Variants in MAGI2 observed in about 807,000 individuals in gnomAD.
MAGI2 encodes membrane-associated guanylate kinase, WW and PDZ domain-containing protein 2.
MAGI2 carries 35 observed loss-of-function variants against 133.3 expected under a neutral mutation model. That is an observed-to-expected ratio of 0.26 (90% CI 0.20 to 0.35). The LOEUF (loss-of-function observed/expected upper bound fraction) is 0.35, where lower values mean the gene tolerates loss of function less well. Among genes scored for constraint, MAGI2 ranks in the 10% least tolerant of loss-of-function variants. MAGI2 has a pLI of 1.00. For missense variants in MAGI2, 1,636 were observed against 1,863.4 expected (o/e 0.88, Z 2.25); for synonymous variants, 729 against 710.6 (o/e 1.03, Z -0.41).
intron 2 of MAGI2, among the ~76,000 whole-genome samples, chr7:78,812,062 A>G (rs962479703): frequency 1.3e-5 from 2 of 152,056 alleles, no homozygotes; most frequent in Non-Finnish European, 2.9e-5. Context: ...AATAGTGGGG[A>G]CACCATAAGC....
chr7:78,856,405 A>G (rs1793635339), intron 2 of MAGI2, among the ~76,000 whole-genome samples: 1 of 152,160 alleles, frequency 6.6e-6, no homozygotes, highest in African/African-American at 2.4e-5. Flanking sequence ...TAAGTCTTTA[A>G]TCCATCTTGA....
At chr7:78,039,219 T>G (rs961067053) in intron 21 of MAGI2, among the ~76,000 whole-genome samples, 2 of 152,230 alleles carry the variant, frequency 1.3e-5, no homozygotes, top group African/African-American at 4.8e-5. Flanking sequence ...CAGGCTCTTC[T>G]TTGAAAAACT....
chr7:78,177,641 T>TG (rs1249208876), intron 14 of MAGI2, among the ~76,000 whole-genome samples: 1 of 152,122 alleles, frequency 6.6e-6, no homozygotes, highest in Admixed American at 6.5e-5. Context: ...TTTGCTGTTT[T>TG]GGTTAAAAAC....
intron 6 of MAGI2, among the ~76,000 whole-genome samples, chr7:78,487,776 A>G (rs763858902): frequency 6.6e-6 from 1 of 152,078 alleles, no homozygotes; most frequent in Non-Finnish European, 1.5e-5. Flanking sequence ...GAGCCTCTAC[A>G]TTTTTAAATA....
At chr7:78,600,339 G>C (rs1805063808) in intron 3 of MAGI2, among the ~76,000 whole-genome samples, 1 of 151,878 alleles carries the variant, frequency 6.6e-6, no homozygotes, top group Non-Finnish European at 1.5e-5. Flanking sequence ...GAGTTAACTA[G>C]ACTTACCAAA....
intron 2 of MAGI2, among the ~76,000 whole-genome samples, chr7:78,997,740 C>CCT (rs1806456587): frequency 6.6e-6 from 1 of 152,018 alleles, no homozygotes. Flanking sequence ...CATCTGTGCT[C>CCT]TAAAGTCCTT....
intron 3 of MAGI2, among the ~76,000 whole-genome samples, chr7:78,527,305 T>C (rs1213671623): frequency 1.3e-5 from 2 of 152,162 alleles, no homozygotes; most frequent in African/African-American, 4.8e-5. Context: ...ACTTTTCATG[T>C]ACTGTACTTG....
chr7:78,811,897 G>C (rs1442598744), intron 2 of MAGI2, among the ~76,000 whole-genome samples: 1 of 152,216 alleles, frequency 6.6e-6, no homozygotes, highest in Non-Finnish European at 1.5e-5. Flanking sequence ...TAAAGATGCT[G>C]GGATGAGGGA....
intron 1 of MAGI2, among the ~76,000 whole-genome samples, chr7:79,255,272 T>C (rs961739658): frequency 6.1e-4 from 93 of 152,176 alleles, no homozygotes; most frequent in African/African-American, 2.1e-3. Context: ...TGTTCTAATG[T>C]TAAAAACATT....
chr7:79,405,172 T>C (rs919220843), intron 1 of MAGI2, among the ~76,000 whole-genome samples: 6 of 152,176 alleles, frequency 3.9e-5, no homozygotes, highest in African/African-American at 1.4e-4. Context: ...ACATATCAGA[T>C]ATAATTTTGC....
intron 1 of MAGI2, among the ~76,000 whole-genome samples, chr7:79,304,181 ATGTGTGTGTGTGTGTGTGTGTC>A (rs1837589129): frequency 7.0e-6 from 1 of 142,160 alleles, no homozygotes; most frequent in East Asian, 2.1e-4. Flanking sequence ...TTCAACTGGG[ATGTGTGTGTGTGTGTGTGTGTC>A]TGTGTGTGTG....
At chr7:78,783,012 CTT>C (rs11432048) in intron 2 of MAGI2, among the ~76,000 whole-genome samples, 20 of 96,188 alleles carry the variant, frequency 2.1e-4, no homozygotes, top group African/African-American at 5.6e-4. Context: ...TGATTCTTAC[CTT>C]TTTTTTTTTT....
intron 1 of MAGI2, among the ~76,000 whole-genome samples, chr7:79,326,371 A>T (rs778760403): frequency 6.6e-6 from 1 of 152,184 alleles, no homozygotes; most frequent in Non-Finnish European, 1.5e-5. Context: ...TAGGATTGTT[A>T]ACTTAGCTCA....
chr7:78,757,365 T>C (rs1824061734), intron 2 of MAGI2, among the ~76,000 whole-genome samples: 1 of 151,022 alleles, frequency 6.6e-6, no homozygotes, highest in Admixed American at 6.6e-5. Flanking sequence ...TAAATCATTC[T>C]CTTTAACACA....
intron 1 of MAGI2, among the ~76,000 whole-genome samples, chr7:79,312,194 A>T (rs566797528): frequency 6.6e-6 from 1 of 152,322 alleles, no homozygotes; most frequent in South Asian, 2.1e-4. Context: ...AAGCATGTCA[A>T]TCAATCCAAG....
At chr7:78,516,575 A>G (rs1159295790) in intron 4 of MAGI2, among the ~76,000 whole-genome samples, 1 of 152,144 alleles carries the variant, frequency 6.6e-6, no homozygotes, top group Non-Finnish European at 1.5e-5. Context: ...CTGGTCTTGA[A>G]TTCCTGACCT....
intron 3 of MAGI2, among the ~76,000 whole-genome samples, chr7:78,530,473 G>T (rs530760329): frequency 6.6e-6 from 1 of 152,196 alleles, no homozygotes; most frequent in African/African-American, 2.4e-5. Context: ...GCATGGACTT[G>T]TGTGAAGACA....
chr7:78,132,215 C>G (rs1192374818), intron 18 of MAGI2, among the ~76,000 whole-genome samples: 1 of 152,194 alleles, frequency 6.6e-6, no homozygotes, highest in Non-Finnish European at 1.5e-5. Context: ...AACATTCTCC[C>G]TACCTCCACA....
At chr7:78,130,185 C>T (rs1484957913) in intron 18 of MAGI2, among the ~76,000 whole-genome samples, 2 of 152,130 alleles carry the variant, frequency 1.3e-5, no homozygotes, top group Non-Finnish European at 2.9e-5. Flanking sequence ...CTTATCTTCA[C>T]ATTAAACATA....
Sources: gnomAD v4.1 joint callset for allele counts (sites outside exome capture counted in the v4.1 genomes callset) on GRCh38, gnomAD v4.1.1 for gene constraint, MANE v1.5 for transcripts, NCBI Gene and HGNC (gene_info 2026-07-23, HGNC 2026-07-21) for gene names.